Variants in SCHIP1 observed in about 807,000 individuals in gnomAD.
SCHIP1 encodes schwannomin interacting protein 1.
SCHIP1 carries 8 observed loss-of-function variants against 29.7 expected under a neutral mutation model. That is an observed-to-expected ratio of 0.27 (90% confidence interval 0.16 to 0.49). SCHIP1 has a LOEUF of 0.49. Among genes scored for constraint, SCHIP1 ranks in the 20% least tolerant of loss-of-function variants. SCHIP1 has a pLI of 0.99. For missense variants in SCHIP1, 193 were observed against 294.6 expected (o/e 0.66, Z 2.52); for synonymous variants, 76 against 94.9 (o/e 0.80, Z 1.16).
the SCHIP1 span, among the ~76,000 whole-genome samples, chr3:159,809,587 T>C: frequency 6.6e-6 from 1 of 151,644 alleles, no homozygotes; most frequent in Admixed American, 6.6e-5. Flanking sequence ...AACTAATTTA[T>C]GTTCCCACCA....
chr3:159,539,042 TACAA>T, the SCHIP1 span, among the ~76,000 whole-genome samples: 2 of 152,098 alleles, frequency 1.3e-5, no homozygotes, highest in African/African-American at 4.8e-5. Flanking sequence ...TATCTATCCC[TACAA>T]ATGGCTAATA....
At chr3:159,329,099 G>A in the SCHIP1 span, among the ~76,000 whole-genome samples, 10 of 152,030 alleles carry the variant, frequency 6.6e-5, no homozygotes, top group Non-Finnish European at 1.5e-4. Context: ...CTGTACCCCC[G>A]GGGAGCTTAG....
the SCHIP1 span, among the ~76,000 whole-genome samples, chr3:159,675,352 T>C: frequency 6.6e-6 from 1 of 152,324 alleles, no homozygotes; most frequent in East Asian, 1.9e-4. Context: ...ACAGATGTAT[T>C]CTAATGCTTC....
At chr3:159,298,048 G>A in the SCHIP1 span, among the ~76,000 whole-genome samples, 3 of 152,316 alleles carry the variant, frequency 2.0e-5, no homozygotes, top group African/African-American at 4.8e-5. Context: ...TAGGGAGTTT[G>A]CTCTGTTTGT....
At chr3:159,769,631 T>A in the SCHIP1 span, among the ~76,000 whole-genome samples, 4 of 152,186 alleles carry the variant, frequency 2.6e-5, no homozygotes, top group East Asian at 7.7e-4. Flanking sequence ...GCGCCTGTAA[T>A]CCCAGCTACT....
At chr3:159,397,753 A>T in the SCHIP1 span, among the ~76,000 whole-genome samples, 1 of 152,208 alleles carries the variant, frequency 6.6e-6, no homozygotes, top group African/African-American at 2.4e-5. Flanking sequence ...TTAAGTCTAC[A>T]GAGGTTACTG....
the SCHIP1 span, among the ~76,000 whole-genome samples, chr3:159,349,212 T>A: frequency 6.6e-6 from 1 of 152,234 alleles, no homozygotes; most frequent in Non-Finnish European, 1.5e-5. Context: ...CTCATTGATT[T>A]TTTTACCAGT....
the SCHIP1 span, among the ~76,000 whole-genome samples, chr3:159,297,126 TTGTGTGTGTGTGTGTGTGTGTGTG>T: frequency 3.2e-4 from 46 of 143,378 alleles, no homozygotes; most frequent in Non-Finnish European, 5.5e-4. Flanking sequence ...TAATATTCCA[TTGTGTGTGTGTGTGTGTGTGTGTG>T]TGTGTGTGTG....
upstream of SCHIP1, among the ~76,000 whole-genome samples, chr3:159,838,904 A>G (rs1423796663): frequency 2.0e-5 from 3 of 151,324 alleles, no homozygotes; most frequent in African/African-American, 7.3e-5. Flanking sequence ...CCATCTCAAA[A>G]AAAAAAAAAA....
At chr3:159,304,620 T>G in the SCHIP1 span, among the ~76,000 whole-genome samples, 1 of 152,230 alleles carries the variant, frequency 6.6e-6, no homozygotes, top group African/African-American at 2.4e-5. Context: ...TATCCAAGTG[T>G]GTGTTGTCTC....
the SCHIP1 span, among the ~76,000 whole-genome samples, chr3:159,570,810 TTTTA>T: frequency 6.6e-6 from 1 of 152,208 alleles, no homozygotes; most frequent in South Asian, 2.1e-4. Context: ...TTGTATCCTC[TTTTA>T]TTTAGTTGAG....
the SCHIP1 span, among the ~76,000 whole-genome samples, chr3:159,407,539 A>G: frequency 6.6e-6 from 1 of 152,212 alleles, no homozygotes; most frequent in South Asian, 2.1e-4. Flanking sequence ...AATGGACCCA[A>G]TAGATATTTA....
chr3:159,853,428 T>C, intron 1 of SCHIP1: 1 of 699,004 alleles, frequency 1.4e-6, no homozygotes, highest in Non-Finnish European at 2.6e-6. Flanking sequence ...TCAAGAATCC[T>C]CATTGGATAT....
the SCHIP1 span, among the ~76,000 whole-genome samples, chr3:159,824,220 AATT>A: frequency 6.6e-6 from 1 of 152,180 alleles, no homozygotes; most frequent in Non-Finnish European, 1.5e-5. Context: ...AGCTTGACTG[AATT>A]ATTATTATTC....
chr3:159,655,884 G>A, the SCHIP1 span, among the ~76,000 whole-genome samples: 91 of 152,250 alleles, frequency 6.0e-4, no homozygotes, highest in Admixed American at 9.2e-4. Flanking sequence ...GTGAGACTCC[G>A]TCTCAGAAGA....
chr3:159,581,480 A>G, the SCHIP1 span, among the ~76,000 whole-genome samples: 1 of 152,180 alleles, frequency 6.6e-6, no homozygotes, highest in Admixed American at 6.6e-5. Flanking sequence ...CCGCGCCAGC[A>G]AAGACCAAGT....
the SCHIP1 span, among the ~76,000 whole-genome samples, chr3:159,519,174 A>T: frequency 1.1e-4 from 16 of 152,266 alleles, no homozygotes; most frequent in South Asian, 8.3e-4. Context: ...TTAAAAAAAA[A>T]TTTTAACATA....
chr3:159,715,274 A>T, the SCHIP1 span, among the ~76,000 whole-genome samples: 1 of 152,256 alleles, frequency 6.6e-6, no homozygotes, highest in Non-Finnish European at 1.5e-5. Context: ...AAAGGTAGAT[A>T]AAACCACAAA....
At chr3:159,627,252 C>T in the SCHIP1 span, among the ~76,000 whole-genome samples, 7 of 152,170 alleles carry the variant, frequency 4.6e-5, no homozygotes, top group East Asian at 9.6e-4. Flanking sequence ...GACTTCTCCA[C>T]GCCACTATGG....
Sources: allele counts gnomAD v4.1 joint callset (sites outside exome capture counted in the v4.1 genomes callset), GRCh38; gene constraint gnomAD v4.1.1; transcripts MANE v1.5; gene names NCBI Gene and HGNC (gene_info 2026-07-23, HGNC 2026-07-21).